The following FRMD4B variants were observed in gnomAD, a reference collection of about 807,000 sequenced individuals.
FRMD4B encodes the protein FERM domain containing 4B.
A neutral mutation model predicts 141.5 loss-of-function variants in FRMD4B; 74 were observed. The ratio of observed to expected loss-of-function variants is 0.52; its 90% CI spans 0.43 to 0.63. The LOEUF is 0.63. Among genes scored for constraint, FRMD4B ranks in the 30% least tolerant of loss-of-function variants. FRMD4B has a pLI of 0.00. For synonymous variants in FRMD4B, 506 were observed against 467.9 expected, an observed-to-expected ratio of 1.08 and a Z score of -1.05; for missense variants, 1,366 against 1,253.4, an observed-to-expected ratio of 1.09 and a Z score of -1.36.
chr3:69,397,334 T>C (rs558608768), intron 2 of FRMD4B, among the ~76,000 whole-genome samples: 55 of 152,162 alleles, frequency 3.6e-4, no homozygotes, highest in Middle Eastern at 3.4e-3. Context: ...GTGTCGTGAA[T>C]AGGGTATGAC....
At chr3:69,189,811 A>G in intron 18 of FRMD4B, 85 bp downstream of exon 18, 1 of 805,908 alleles carries the variant, frequency 1.2e-6, no homozygotes, top group East Asian at 2.6e-5. Flanking sequence ...AAGAAAAACA[A>G]ATAGGCCTTA....
intron 1 of FRMD4B, among the ~76,000 whole-genome samples, chr3:69,476,686 G>C (rs915658747): frequency 6.6e-6 from 1 of 151,962 alleles, no homozygotes; most frequent in Non-Finnish European, 1.5e-5. Context: ...TGGCAATGAG[G>C]GCTCTTTTTT....
intron 1 of FRMD4B, among the ~76,000 whole-genome samples, chr3:69,344,391 G>C (rs1291255976): frequency 6.6e-6 from 1 of 152,188 alleles, no homozygotes; most frequent in Non-Finnish European, 1.5e-5. Flanking sequence ...GAGGGAGAGA[G>C]ATGGAGGTTA....
intron 1 of FRMD4B, among the ~76,000 whole-genome samples, chr3:69,540,391 G>T (rs923369974): frequency 6.6e-6 from 1 of 151,434 alleles, no homozygotes; most frequent in Non-Finnish European, 1.5e-5. Flanking sequence ...GAGGCGGGCG[G>T]ATCACAAGGC....
chr3:69,366,060 A>AAC (rs4063529), intron 1 of FRMD4B, among the ~76,000 whole-genome samples: 8,345 of 126,932 alleles, frequency 0.066, 314 homozygotes, highest in African/African-American at 0.12. Flanking sequence ...ACCTCTACAA[A>AAC]ACACACACAC....
chr3:69,522,948 A>G (rs897170501), intron 1 of FRMD4B, among the ~76,000 whole-genome samples: 11 of 152,146 alleles, frequency 7.2e-5, no homozygotes, highest in African/African-American at 2.7e-4. Context: ...GAGGTTGCAA[A>G]CCCTAGGTTA....
intron 1 of FRMD4B, 29 bp from the exon 2 acceptor site, chr3:69,313,546 T>C (rs774421875): frequency 5.5e-6 from 8 of 1,449,540 alleles, no homozygotes; most frequent in Non-Finnish European, 5.7e-6. Flanking sequence ...AAGAGTGGTG[T>C]CAGGGCCACG....
chr3:69,431,996 C>A (rs1402230727), intron 2 of FRMD4B, among the ~76,000 whole-genome samples: 1 of 152,148 alleles, frequency 6.6e-6, no homozygotes, highest in Non-Finnish European at 1.5e-5. Flanking sequence ...ACATGCCTGG[C>A]AGTTTGGTTT....
intron 1 of FRMD4B, among the ~76,000 whole-genome samples, chr3:69,337,811 G>A (rs1049237255): frequency 7.9e-5 from 12 of 152,118 alleles, no homozygotes; most frequent in African/African-American, 2.7e-4. Context: ...GAAACAACAG[G>A]TGCTGGAGAG....
intron 1 of FRMD4B, among the ~76,000 whole-genome samples, chr3:69,478,811 A>G (rs1706054318): frequency 6.6e-6 from 1 of 151,946 alleles, no homozygotes; most frequent in Non-Finnish European, 1.5e-5. Context: ...GGGGTGTTAA[A>G]GTCTCCCATT....
At chr3:69,517,866 T>C (rs1226450865) in intron 1 of FRMD4B, among the ~76,000 whole-genome samples, 1 of 152,190 alleles carries the variant, frequency 6.6e-6, no homozygotes. Flanking sequence ...AGTGCAGTCG[T>C]TTTCATACTT....
At chr3:69,228,515 G>C in intron 7 of FRMD4B, 1 of 447,648 alleles carries the variant, frequency 2.2e-6, no homozygotes, top group South Asian at 1.6e-5. Context: ...GTGTGATAGA[G>C]ATCAAAACTT....
chr3:69,417,326 T>A (rs1169826186), intron 2 of FRMD4B, among the ~76,000 whole-genome samples: 1 of 152,236 alleles, frequency 6.6e-6, no homozygotes, highest in Non-Finnish European at 1.5e-5. Context: ...TTTTTTCATA[T>A]GTTTGTTGGC....
chr3:69,176,844 T>C (rs2092651500), intron 21 of FRMD4B, among the ~76,000 whole-genome samples, 188 bp from the exon 22 acceptor site: 1 of 152,118 alleles, frequency 6.6e-6, no homozygotes, highest in Non-Finnish European at 1.5e-5. Flanking sequence ...TAGTTTATCC[T>C]CTTTAAGCCT....
intron 2 of FRMD4B, among the ~76,000 whole-genome samples, chr3:69,406,270 T>C (rs1704647498): frequency 6.6e-6 from 1 of 152,222 alleles, no homozygotes; most frequent in African/African-American, 2.4e-5. Context: ...CCACATTTAA[T>C]GAACAATGGC....
chr3:69,397,077 T>G (rs1424546105), intron 2 of FRMD4B, among the ~76,000 whole-genome samples: 1 of 152,216 alleles, frequency 6.6e-6, no homozygotes, highest in Non-Finnish European at 1.5e-5. Context: ...CACAGAAGCA[T>G]TCTTCATAAT....
intron 1 of FRMD4B, among the ~76,000 whole-genome samples, chr3:69,361,481 T>A (rs1575764049): frequency 6.6e-6 from 1 of 152,120 alleles, no homozygotes; most frequent in Non-Finnish European, 1.5e-5. Flanking sequence ...ATAAAACTTT[T>A]CCAGAAAGCT....
intron 3 of FRMD4B, chr3:69,310,324 AAACT>A (rs1162422537): frequency 5.2e-6 from 2 of 386,292 alleles, no homozygotes; most frequent in African/African-American, 2.1e-5. Flanking sequence ...CCACCTGATT[AAACT>A]AAAGAACTGA....
At chr3:69,476,704 T>C (rs949731200) in intron 1 of FRMD4B, among the ~76,000 whole-genome samples, 3 of 151,382 alleles carry the variant, frequency 2.0e-5, no homozygotes, top group Non-Finnish European at 4.4e-5. Flanking sequence ...TTTGGTTCCA[T>C]ATGAACTTTA....
Sources: allele counts gnomAD v4.1 joint callset (sites outside exome capture counted in the v4.1 genomes callset), GRCh38; gene constraint gnomAD v4.1.1; transcripts MANE v1.5; gene names NCBI Gene and HGNC (gene_info 2026-07-23, HGNC 2026-07-21).